MYO5B: variants seen among roughly 807,000 people sequenced by gnomAD.
The protein encoded by MYO5B is unconventional myosin-Vb.
In MYO5B, 143 loss-of-function variants were observed where a neutral mutation model predicts 229.3. The observed-to-expected ratio is 0.62, with a 90% CI of 0.54 to 0.72. MYO5B has a LOEUF of 0.72. MYO5B is among the 30% of genes least tolerant of loss of function. The pLI, the probability that MYO5B is intolerant of heterozygous loss-of-function variation, is 0.00. For missense variants in MYO5B, 2,321 were observed against 2,331.0 expected (o/e 1.00, Z 0.09); for synonymous variants, 918 against 885.2 (o/e 1.04, Z -0.66).
chr18:49,831,377 A>G (rs934592154), intron 39 of MYO5B, among the ~76,000 whole-genome samples: 1 of 152,214 alleles, frequency 6.6e-6, no homozygotes, highest in African/African-American at 2.4e-5. Flanking sequence ...TCTGATAAGG[A>G]TTTAATATCC....
chr18:50,163,977 A>C (rs1417130583), intron 1 of MYO5B, among the ~76,000 whole-genome samples: 1 of 148,682 alleles, frequency 6.7e-6, no homozygotes, highest in South Asian at 2.2e-4. Flanking sequence ...ATTCTATTTA[A>C]AAGAAAAATA....
intron 1 of MYO5B, among the ~76,000 whole-genome samples, chr18:50,078,045 G>A (rs185205013): frequency 9.5e-4 from 145 of 152,360 alleles, no homozygotes; most frequent in African/African-American, 3.1e-3. Context: ...TGACAACACA[G>A]AAGCTAGGTC....
At chr18:50,137,149 C>G (rs576156634) in intron 1 of MYO5B, among the ~76,000 whole-genome samples, 3 of 152,150 alleles carry the variant, frequency 2.0e-5, no homozygotes, top group African/African-American at 7.2e-5. Context: ...ACAGTGGCCA[C>G]GAGGGCAGTT....
intron 29 of MYO5B, among the ~76,000 whole-genome samples, chr18:49,862,921 C>T (rs1419980728): frequency 7.3e-6 from 1 of 137,256 alleles, no homozygotes; most frequent in Non-Finnish European, 1.6e-5. Context: ...AGCCAGCATC[C>T]TCTCAAGAAG....
rs1353301784 is a variant in MYO5B, at chr18:49,824,422, T to G, written c.*2049A>C. ...TTCTAATTGCCAAGCTTTTATTCAG[T>G]AAGCTCTTGGCACCTAGTGATTAAC... On this transcript the variant is annotated 3_prime_UTR_variant, in exon 40 of 40. Transcript: ENST00000285039. 1.3e-5 allele frequency: 2 copies of G among 152,468 alleles called. No individual in the cohort carries two copies. Among genetic ancestry groups the G allele is most frequent in the Non-Finnish European group, 2.9e-5 (2 of 68,166 alleles). The allele number at this position is 152,468 out of a possible 1,614,324, so 9.4% of individuals were successfully genotyped here.
chr18:49,868,860 G>C (rs1243587484), intron 27 of MYO5B, among the ~76,000 whole-genome samples: 2 of 152,236 alleles, frequency 1.3e-5, no homozygotes, highest in African/African-American at 4.8e-5. Context: ...CCTAAGCCTT[G>C]TGCAGGGTAC....
In MYO5B at chr18:50,024,294, A is replaced by G. The variant is rs1365914752; in HGVS notation, c.455+12556T>C. Reference sequence around the variant, plus strand: ...AAATAGTTCAAACACTTATATTAACATTCTCAGGAACACAAGGTCAGGGGT... The same window carrying G: ...AAATAGTTCAAACACTTATATTAACGTTCTCAGGAACACAAGGTCAGGGGT... On this transcript the variant is annotated intron_variant, in intron 4 of 39. Coordinates refer to ENST00000285039, the MANE Select transcript of MYO5B (RefSeq NM_001080467.3). Among the ~76,000 whole-genome samples the G allele has an allele frequency of 2.0e-5, 3 of 152,312 alleles. No homozygotes were observed. In the South Asian group the frequency reaches 6.2e-4, roughly 32 times the overall value.
chr18:49,823,617 A>G lies in MYO5B; in HGVS notation c.*2854T>C, dbSNP rs2144005131. 1 of 152,350 alleles carries G rather than the reference A, an allele frequency of 6.6e-6. No homozygotes were observed. The highest frequency in any genetic ancestry group is 1.9e-4 in the East Asian group (1 of 5,190). The allele number at this position is 152,350 out of a possible 1,614,324, so 9.4% of individuals were successfully genotyped here. Reference sequence around the variant, plus strand: ...TACAAAAGCCTTAAAATTTAGTACTAGGGAAATCAAAGGAAGCAACTCCCA... The same window carrying G: ...TACAAAAGCCTTAAAATTTAGTACTGGGGAAATCAAAGGAAGCAACTCCCA... On this transcript the variant is annotated 3_prime_UTR_variant, in exon 40 of 40. Coordinates refer to ENST00000285039, the MANE Select transcript of MYO5B (RefSeq NM_001080467.3).
At chr18:49,960,697 C>G (rs1557357) in intron 12 of MYO5B, among the ~76,000 whole-genome samples, 33,030 of 152,122 alleles carry the variant, frequency 0.22, 3,745 homozygotes, top group Middle Eastern at 0.29. Flanking sequence ...ATGTGGTGTT[C>G]AACTCATCTT....
chr18:50,049,701 G>T (rs536657239), intron 2 of MYO5B, among the ~76,000 whole-genome samples: 1 of 152,318 alleles, frequency 6.6e-6, no homozygotes, highest in African/African-American at 2.4e-5. Flanking sequence ...CATGACAGTT[G>T]TGACAACCAA....
rs999589542 is a variant in MYO5B, at chr18:49,823,259, A to T, written c.*3212T>A. On this transcript the variant is annotated 3_prime_UTR_variant, in exon 40 of 40. Coordinates refer to ENST00000285039, the MANE Select transcript of MYO5B (RefSeq NM_001080467.3). ...CTCTAATTATGGCACCAGTGGGTAT[A>T]AAAAGTGAATTATGGTTATTTGGCT... 6.6e-6 allele frequency: 1 copy of T among 152,268 alleles called. No individual in the cohort carries two copies. Among genetic ancestry groups the T allele is most frequent in the African/African-American group, 2.4e-5 (1 of 41,474 alleles). The allele number at this position is 152,268 out of a possible 1,614,324, so 9.4% of individuals were successfully genotyped here.
chr18:49,990,459 TC>T lies in MYO5B; in HGVS notation c.817del (p.Glu273AsnfsTer7). On this transcript the variant is annotated frameshift_variant, in exon 7 of 40. Coordinates refer to ENST00000285039, the MANE Select transcript of MYO5B (RefSeq NM_001080467.3). LOFTEE classifies it high-confidence loss of function. ...CTTACTTAGTGCAAGCTCTTTAAAT[TC>T]TGGAAGACCGGCAGCAGCACAGAGC... The part of the protein sequence containing the change: ...YQLCAAAGLP[E>X]FKELALTSAE... 1 of 1,613,810 alleles carries T rather than the reference TC, an allele frequency of 6.2e-7. No homozygotes were observed. The highest frequency in any genetic ancestry group is 8.5e-7 in the Non-Finnish European group (1 of 1,179,792).
intron 39 of MYO5B, among the ~76,000 whole-genome samples, chr18:49,828,293 C>T (rs2023870803): frequency 6.6e-6 from 1 of 152,224 alleles, no homozygotes; most frequent in Non-Finnish European, 1.5e-5. Context: ...AATTCTAAAT[C>T]TGGCAAAACT....
intron 4 of MYO5B, among the ~76,000 whole-genome samples, chr18:50,019,656 G>A (rs527432713): frequency 1.4e-4 from 21 of 152,304 alleles, no homozygotes; most frequent in African/African-American, 5.1e-4. Context: ...AGCAGAACTG[G>A]GGTCTAATAC....
chr18:50,142,351 G>A (rs1196126593), intron 1 of MYO5B, among the ~76,000 whole-genome samples: 2 of 152,238 alleles, frequency 1.3e-5, no homozygotes, highest in East Asian at 1.9e-4. Flanking sequence ...TAATCAAACC[G>A]AATCCCATGG....
In MYO5B at chr18:49,905,971, G is replaced by A. The variant is rs115059477; in HGVS notation, c.2414+448C>T. Among the ~76,000 whole-genome samples, 1,382 of 152,254 alleles carry A rather than the reference G, an allele frequency of 9.1e-3. 20 individuals carry two copies. Among genetic ancestry groups the A allele is most frequent in the African/African-American group, 0.029 (1,192 of 41,538 alleles). ...TCCATCCTGGCTTGTGCAGTAACTC[G>A]CAAAAGGGGCCTCCCAGGACCTTTG... On this transcript the variant is annotated intron_variant, in intron 19 of 39. Coordinates refer to ENST00000285039, the MANE Select transcript of MYO5B (RefSeq NM_001080467.3).
chr18:49,902,998 T>C (rs2024860750), intron 20 of MYO5B, among the ~76,000 whole-genome samples, 165 bp from the exon 21 acceptor site: 1 of 152,246 alleles, frequency 6.6e-6, no homozygotes, highest in South Asian at 2.1e-4. Flanking sequence ...GGTTGTTTTA[T>C]AACACATTTC....
At chr18:50,061,402 T>G (rs1233175271) in intron 1 of MYO5B, among the ~76,000 whole-genome samples, 1 of 152,210 alleles carries the variant, frequency 6.6e-6, no homozygotes, top group Non-Finnish European at 1.5e-5. Context: ...CGAGAAATCC[T>G]GATGGGATTT....
chr18:49,893,464 A>C (rs1050604253), intron 22 of MYO5B, among the ~76,000 whole-genome samples: 1 of 152,216 alleles, frequency 6.6e-6, no homozygotes, highest in African/African-American at 2.4e-5. Context: ...GTAGGTTACA[A>C]GACTTGTAGA....
Sources: allele counts gnomAD v4.1 joint callset (sites outside exome capture counted in the v4.1 genomes callset), GRCh38; gene constraint gnomAD v4.1.1; transcripts MANE v1.5; gene names NCBI Gene and HGNC (gene_info 2026-07-23, HGNC 2026-07-21).